The following GPATCH2 variants were observed in gnomAD, a reference collection of about 807,000 sequenced individuals.
The protein encoded by GPATCH2 is G-patch domain containing 2.
A neutral mutation model predicts 58.0 loss-of-function variants in GPATCH2; 51 were observed. The observed-to-expected ratio is 0.88, with a 90% CI of 0.70 to 1.11. The LOEUF (loss-of-function observed/expected upper bound fraction) is 1.11. Among genes scored for constraint, GPATCH2 ranks in the 50% most tolerant of loss-of-function variants. The pLI is 0.00. For missense variants in GPATCH2, 625 were observed against 652.2 expected, an observed-to-expected ratio of 0.96 and a Z score of 0.45; for synonymous variants, 222 against 218.5, an observed-to-expected ratio of 1.02 and a Z score of -0.14.
intron 8 of GPATCH2, among the ~76,000 whole-genome samples, chr1:217,456,438 CACT>C (rs1659946898): frequency 6.6e-6 from 1 of 152,142 alleles, no homozygotes; most frequent in South Asian, 2.1e-4. Context: ...GTTTTAGCAC[CACT>C]GTGTCAGAAG....
intron 8 of GPATCH2, among the ~76,000 whole-genome samples, chr1:217,480,997 C>A (rs1274873990): frequency 6.6e-6 from 1 of 151,954 alleles, no homozygotes; most frequent in Non-Finnish European, 1.5e-5. Context: ...AGAATGATTA[C>A]CAGAGACTGG....
chr1:217,449,408 A>G (rs1659554377), intron 8 of GPATCH2, 71 bp from the exon 9 acceptor site: 1 of 888,522 alleles, frequency 1.1e-6, no homozygotes, highest in South Asian at 1.4e-5. Flanking sequence ...AGCTTGTATC[A>G]TCTGAACCTA....
At chr1:217,524,606 C>T (rs1417236465) in intron 5 of GPATCH2, among the ~76,000 whole-genome samples, 1 of 151,698 alleles carries the variant, frequency 6.6e-6, no homozygotes, top group Non-Finnish European at 1.5e-5. Context: ...CGTCTGCAAT[C>T]CCGGCACCTC....
At position 217,610,103 on chromosome 1, in the gene GPATCH2, A is replaced by G. The variant is rs1403786816; in HGVS notation, c.1098+218T>C. 6.5e-6 allele frequency: 10 copies of G among 1,536,392 alleles called. No homozygotes were observed. The South Asian group carries it at 8.7e-5, about 13-fold the overall frequency. ...GAGGACAGGAGCCAGGTTCCCTCGA[A>G]TGTCATTCCCCAGATGTTCAAAACG... On this transcript the variant is annotated intron_variant, in intron 5 of 9. Coordinates refer to ENST00000366935, the MANE Select transcript of GPATCH2 (RefSeq NM_018040.5).
chr1:217,489,484 G>T (rs550142152), intron 8 of GPATCH2, among the ~76,000 whole-genome samples: 1 of 152,184 alleles, frequency 6.6e-6, no homozygotes, highest in African/African-American at 2.4e-5. Flanking sequence ...AACTTAACAC[G>T]CTATTGCTGT....
chr1:217,485,180 G>A (rs1334697695), intron 8 of GPATCH2, among the ~76,000 whole-genome samples: 1 of 152,170 alleles, frequency 6.6e-6, no homozygotes, highest in Non-Finnish European at 1.5e-5. Context: ...CTGAGGGCAA[G>A]AGAATATGGA....
At chr1:217,532,874 T>C (rs1239128769) in intron 5 of GPATCH2, among the ~76,000 whole-genome samples, 4 of 146,124 alleles carry the variant, frequency 2.7e-5, no homozygotes, top group African/African-American at 7.5e-5. Context: ...TTGTGCTCTT[T>C]ATCTTTTTTT....
intron 5 of GPATCH2, among the ~76,000 whole-genome samples, chr1:217,571,721 C>CAAAAAAAAAAAAAAAAAAAAAAAAA (rs1558494034): frequency 3.5e-5 from 4 of 114,710 alleles, no homozygotes; most frequent in East Asian, 5.1e-4. Context: ...AAAAAAAAAA[C>CAAAAAAAAAAAAAAAAAAAAAAAAA]AAAAAAGAAG....
intron 8 of GPATCH2, among the ~76,000 whole-genome samples, chr1:217,489,529 T>C (rs1571793810): frequency 1.3e-5 from 2 of 152,230 alleles, no homozygotes; most frequent in African/African-American, 4.8e-5. Flanking sequence ...ATTTTCTTTT[T>C]TGTTTGTTTG....
chr1:217,595,719 C>T (rs558206515), intron 5 of GPATCH2, among the ~76,000 whole-genome samples: 72 of 152,132 alleles, frequency 4.7e-4, no homozygotes, highest in African/African-American at 1.7e-3. Context: ...AGGCTGGTCT[C>T]GAACTCCTGA....
At chr1:217,550,063 T>C (rs1444760029) in intron 5 of GPATCH2, among the ~76,000 whole-genome samples, 1 of 152,140 alleles carries the variant, frequency 6.6e-6, no homozygotes, top group African/African-American at 2.4e-5. Context: ...ACTTCCTAAA[T>C]ACTATATATT....
chr1:217,571,980 A>G (rs894669938), intron 5 of GPATCH2, among the ~76,000 whole-genome samples: 33 of 137,600 alleles, frequency 2.4e-4, no homozygotes, highest in African/African-American at 7.8e-4. Flanking sequence ...AAAGAAAGAA[A>G]GAAGGAAGGA....
intron 2 of GPATCH2, among the ~76,000 whole-genome samples, chr1:217,618,813 A>C (rs1669029790): frequency 6.6e-6 from 1 of 151,972 alleles, no homozygotes. Context: ...TACAAAAAAA[A>C]TTCGCCAGGC....
chr1:217,485,397 G>A (rs758407843), intron 8 of GPATCH2, among the ~76,000 whole-genome samples: 4 of 151,680 alleles, frequency 2.6e-5, no homozygotes, highest in African/African-American at 7.3e-5. Flanking sequence ...TCTTAGCCCA[G>A]TCAAATTGAC....
intron 1 of GPATCH2, among the ~76,000 whole-genome samples, chr1:217,623,881 G>A (rs1318368882): frequency 3.3e-5 from 5 of 151,870 alleles, no homozygotes; most frequent in Admixed American, 6.6e-5. Context: ...CAGCCTGGGC[G>A]AAAAGAGCAA....
intron 5 of GPATCH2, among the ~76,000 whole-genome samples, chr1:217,576,581 C>A (rs1666813831): frequency 6.6e-6 from 1 of 152,170 alleles, no homozygotes. Flanking sequence ...TAAATGAATT[C>A]TGCTATAACG....
At chr1:217,559,065 A>C (rs1478586913) in intron 5 of GPATCH2, among the ~76,000 whole-genome samples, 1 of 152,156 alleles carries the variant, frequency 6.6e-6, no homozygotes, top group Non-Finnish European at 1.5e-5. Flanking sequence ...ATGTATAATA[A>C]TATTAATTTA....
chr1:217,498,953 A>G lies in GPATCH2; in HGVS notation c.1167-558T>C, dbSNP rs536305477. Among the ~76,000 whole-genome samples, 30 of 152,286 alleles carry G rather than the reference A, an allele frequency of 2.0e-4. No individual in the cohort carries two copies. The South Asian group carries it at 6.0e-3, about 31-fold the overall frequency. On this transcript the variant is annotated intron_variant, in intron 6 of 9. Transcript: ENST00000366935. ...AGAATGAAGTTCAACAACATTAAAAATATAGAAGTCACTGCATCATCAAAG... is the reference window on the plus strand; with the variant it reads ...AGAATGAAGTTCAACAACATTAAAAGTATAGAAGTCACTGCATCATCAAAG...
In GPATCH2 at chr1:217,610,305, G is replaced by GA. The variant is rs764322219; in HGVS notation, c.1098+15dup. 1 of 1,537,314 alleles carries GA rather than the reference G, an allele frequency of 6.5e-7. No homozygotes were observed. Among genetic ancestry groups the GA allele is most frequent in the South Asian group, 1.1e-5 (1 of 88,626 alleles). On this transcript the variant is annotated intron_variant, in intron 5 of 9. Coordinates refer to ENST00000366935, the MANE Select transcript of GPATCH2 (RefSeq NM_018040.5). Reference sequence around the variant, plus strand: ...CATTTCCAAACATGACAATTACACAGAAAAAGTATGCCTACCATTGAAGTT... The same window carrying GA: ...CATTTCCAAACATGACAATTACACAGAAAAAAGTATGCCTACCATTGAAGTT...
Sources: gnomAD v4.1 joint callset for allele counts (sites outside exome capture counted in the v4.1 genomes callset) on GRCh38, gnomAD v4.1.1 for gene constraint, MANE v1.5 for transcripts, NCBI Gene and HGNC (gene_info 2026-07-23, HGNC 2026-07-21) for gene names.